IKZF2: variants seen among roughly 807,000 people sequenced by gnomAD.
IKZF2 encodes the protein IKAROS family zinc finger 2, also known as zinc finger protein Helios.
In IKZF2, 15 loss-of-function variants were observed where a neutral mutation model predicts 49.2. The observed-to-expected ratio is 0.30, with a 90% CI of 0.20 to 0.47. IKZF2 has a LOEUF of 0.47. Ranked by LOEUF, IKZF2 falls within the 20% of genes least tolerant of loss-of-function variation. The probability of loss-of-function intolerance (pLI) is 1.00; values close to 1 mark genes in which losing one functional copy is unlikely to be tolerated. For synonymous variants in IKZF2, 227 were observed against 221.4 expected, an observed-to-expected ratio of 1.03 and a Z score of -0.23; for missense variants, 567 against 664.6, an observed-to-expected ratio of 0.85 and a Z score of 1.61.
At chr2:213,119,803 CA>C (rs2059992163) in intron 4 of IKZF2, among the ~76,000 whole-genome samples, 1 of 152,118 alleles carries the variant, frequency 6.6e-6, no homozygotes, top group Non-Finnish European at 1.5e-5. Flanking sequence ...CATGTGATAT[CA>C]GATTAAAATT....
intron 7 of IKZF2, among the ~76,000 whole-genome samples, chr2:213,015,932 C>T (rs763783087): frequency 6.6e-6 from 1 of 152,104 alleles, no homozygotes; most frequent in East Asian, 1.9e-4. Flanking sequence ...CATATTTGAA[C>T]GCATTTAACA....
chr2:213,068,163 CTTTCT>C (rs1702332036), intron 4 of IKZF2, among the ~76,000 whole-genome samples: 1 of 152,034 alleles, frequency 6.6e-6, no homozygotes, highest in East Asian at 1.9e-4. Flanking sequence ...ATATAAATGG[CTTTCT>C]TTTAACACTT....
chr2:213,077,752 T>C (rs1703439711), intron 4 of IKZF2, among the ~76,000 whole-genome samples: 2 of 151,984 alleles, frequency 1.3e-5, no homozygotes, highest in African/African-American at 4.8e-5. Context: ...CATGTCCGGC[T>C]AATTTTTGTG....
At chr2:213,014,075 T>C (rs1446610306) in intron 7 of IKZF2, 141 bp from the exon 8 acceptor site, 2 of 670,488 alleles carry the variant, frequency 3.0e-6, no homozygotes, top group East Asian at 5.4e-5. Flanking sequence ...CCCTCTAGTG[T>C]GAAAGTATAC....
At chr2:213,038,171 C>A (rs906224612) in intron 6 of IKZF2, among the ~76,000 whole-genome samples, 1 of 151,328 alleles carries the variant, frequency 6.6e-6, no homozygotes, top group Non-Finnish European at 1.5e-5. Flanking sequence ...CGCCGTTCTC[C>A]TGCCTCAGCC....
intron 2 of IKZF2, 55 bp downstream of exon 2, chr2:213,150,089 C>T: frequency 9.5e-7 from 1 of 1,052,762 alleles, no homozygotes; most frequent in Non-Finnish European, 1.3e-6. Flanking sequence ...TATTAACCCT[C>T]AGAGAAGGAA....
chr2:213,024,775 C>T (rs751853116), intron 6 of IKZF2, among the ~76,000 whole-genome samples: 3 of 152,050 alleles, frequency 2.0e-5, no homozygotes, highest in Non-Finnish European at 4.4e-5. Context: ...AATTCAATGG[C>T]TCTGCTATCT....
intron 4 of IKZF2, among the ~76,000 whole-genome samples, chr2:213,111,713 C>T (rs145049058): frequency 2.6e-4 from 40 of 152,184 alleles, no homozygotes; most frequent in African/African-American, 8.7e-4. Flanking sequence ...CACATACATA[C>T]ATTTGATCAC....
At chr2:213,062,029 T>A (rs540431298) in intron 4 of IKZF2, among the ~76,000 whole-genome samples, 1 of 151,708 alleles carries the variant, frequency 6.6e-6, no homozygotes, top group Admixed American at 6.6e-5. Flanking sequence ...ATTTCTTCAA[T>A]AATATGAATT....
chr2:213,151,170 C>G (rs756363726), intron 1 of IKZF2, among the ~76,000 whole-genome samples: 11 of 151,990 alleles, frequency 7.2e-5, no homozygotes, highest in Non-Finnish European at 1.5e-4. Context: ...AAATCATTAC[C>G]CTAATCAGAA....
rs535637321 is a variant in IKZF2, at chr2:213,003,450, A to G, written c.*3910T>C. 1 of 151,828 alleles carries G rather than the reference A, an allele frequency of 6.6e-6. No homozygotes were observed. The highest frequency in any genetic ancestry group is 1.9e-4 in the East Asian group (1 of 5,164). The allele number at this position is 151,828 out of a possible 1,614,324, so 9.4% of individuals were successfully genotyped here. A position where few individuals can be genotyped will look rare whatever the true frequency, so the allele number is the denominator to read the frequency against. On this transcript the variant is annotated 3_prime_UTR_variant, in exon 9 of 9. Coordinates refer to ENST00000434687, the MANE Select transcript of IKZF2 (RefSeq NM_001387220.1). ...TAATACATAAAATGCAACTGATGAT[A>G]AACACAAATGTAATTTATCCATTTT...
chr2:213,109,593 C>T (rs2059637960), intron 4 of IKZF2, among the ~76,000 whole-genome samples: 1 of 151,888 alleles, frequency 6.6e-6, no homozygotes, highest in Non-Finnish European at 1.5e-5. Flanking sequence ...GCTCTTGAAT[C>T]CCATTTCCAA....
chr2:213,151,096 A>T (rs2061268998), intron 1 of IKZF2, among the ~76,000 whole-genome samples: 1 of 152,146 alleles, frequency 6.6e-6, no homozygotes, highest in Non-Finnish European at 1.5e-5. Context: ...GATTACAAGG[A>T]GGGGACGATA....
At chr2:213,015,138 C>T (rs895846735) in intron 7 of IKZF2, 2 of 151,906 alleles carry the variant, frequency 1.3e-5, no homozygotes, top group Non-Finnish European at 2.9e-5. Context: ...ATTTAATAAC[C>T]AATAGGTTAC....
rs558927994 is a variant in IKZF2 at position 213,027,979 on chromosome 2, T to G, written c.575-5849A>C. ...TCACATATTGCAGAATATTTACATATATACAGATAAAACAAATAAATATGT... is the reference window on the plus strand; with the variant it reads ...TCACATATTGCAGAATATTTACATAGATACAGATAAAACAAATAAATATGT... On this transcript the variant is annotated intron_variant, in intron 6 of 8. Transcript: ENST00000434687. Among the ~76,000 whole-genome samples the G allele has an allele frequency of 9.9e-5, 15 of 152,214 alleles. No homozygotes were observed. The South Asian group carries it at 3.1e-3, about 32-fold the overall frequency.
intron 6 of IKZF2, among the ~76,000 whole-genome samples, chr2:213,047,536 T>C (rs66975677): frequency 0.23 from 35,462 of 152,020 alleles, 4,607 homozygotes; most frequent in Non-Finnish European, 0.28. Flanking sequence ...AACCTTCAGA[T>C]TGGTGGTTTT....
chr2:213,011,452 T>A (rs1695945297), intron 8 of IKZF2, among the ~76,000 whole-genome samples: 1 of 150,908 alleles, frequency 6.6e-6, no homozygotes, highest in Non-Finnish European at 1.5e-5. Flanking sequence ...AGAGGGGGAA[T>A]GAACTTTAAT....
chr2:213,084,535 G>A (rs1225286500), intron 4 of IKZF2, among the ~76,000 whole-genome samples: 2 of 151,098 alleles, frequency 1.3e-5, no homozygotes, highest in Non-Finnish European at 2.9e-5. Context: ...AAGTAACAAG[G>A]TCTACAAAAA....
intron 1 of IKZF2, among the ~76,000 whole-genome samples, chr2:213,151,137 G>C (rs926319283): frequency 6.6e-6 from 1 of 151,894 alleles, no homozygotes; most frequent in Non-Finnish European, 1.5e-5. Context: ...TCTTCAACCC[G>C]ATTCCCTGAG....
Sources: gnomAD v4.1 joint callset for allele counts (sites outside exome capture counted in the v4.1 genomes callset) on GRCh38, gnomAD v4.1.1 for gene constraint, MANE v1.5 for transcripts, NCBI Gene and HGNC (gene_info 2026-07-23, HGNC 2026-07-21) for gene names.